ZNF827: variants seen among roughly 807,000 people sequenced by gnomAD.
The protein encoded by ZNF827 is zinc finger protein 827.
Under a neutral mutation model 102.4 loss-of-function variants are expected in ZNF827, and 13 were observed. The observed-to-expected ratio is 0.13, with a 90% CI of 0.08 to 0.20. The LOEUF (loss-of-function observed/expected upper bound fraction) is 0.20. Ranked by LOEUF, ZNF827 falls within the 10% of genes least tolerant of loss-of-function variation. ZNF827 has a pLI of 1.00. For synonymous variants in ZNF827, 523 were observed against 536.2 expected (o/e 0.98, Z 0.34); for missense variants, 1,103 against 1,344.4 (o/e 0.82, Z 2.81).
At chr4:145,921,527 A>G (rs1332624618) in intron 1 of ZNF827, among the ~76,000 whole-genome samples, 2 of 149,342 alleles carry the variant, frequency 1.3e-5, no homozygotes, top group African/African-American at 4.9e-5. Flanking sequence ...ATTCTCTTTG[A>G]GAAAAAATAT....
At chr4:145,862,061 A>T (rs1747783256) in intron 5 of ZNF827, among the ~76,000 whole-genome samples, 1 of 152,186 alleles carries the variant, frequency 6.6e-6, no homozygotes, top group South Asian at 2.1e-4. Context: ...AACAGCTCCC[A>T]TATGGGGCGG....
chr4:145,823,012 G>T (rs1385823797), intron 8 of ZNF827, among the ~76,000 whole-genome samples: 1 of 152,210 alleles, frequency 6.6e-6, no homozygotes, highest in African/African-American at 2.4e-5. Flanking sequence ...GGTGGTCTTT[G>T]TGGTGGCCCA....
At chr4:145,776,097 G>T in intron 9 of ZNF827, 137 bp from the exon 10 acceptor site, 1 of 946,830 alleles carries the variant, frequency 1.1e-6, no homozygotes, top group Non-Finnish European at 1.6e-6. Context: ...GTAATGCCTA[G>T]GAATTGTAAG....
intron 4 of ZNF827, 108 bp downstream of exon 4, chr4:145,885,570 A>G (rs1750034526): frequency 7.0e-7 from 1 of 1,432,638 alleles, no homozygotes; most frequent in African/African-American, 1.4e-5. Context: ...ATCTAGTTCT[A>G]CCAGCTTATT....
At chr4:145,880,454 A>C (rs1749567421) in intron 4 of ZNF827, among the ~76,000 whole-genome samples, 1 of 152,234 alleles carries the variant, frequency 6.6e-6, no homozygotes, top group African/African-American at 2.4e-5. Flanking sequence ...AGTTTCAGCA[A>C]CTGTGTGTGT....
chr4:145,888,877 G>A (rs577445411), intron 3 of ZNF827, among the ~76,000 whole-genome samples: 7 of 152,234 alleles, frequency 4.6e-5, no homozygotes, highest in African/African-American at 9.6e-5. Context: ...CTTCCACAGC[G>A]GGTGATAAAA....
chr4:145,761,601 GC>G lies in ZNF827; in HGVS notation c.*18-4del, dbSNP rs1560881703. ...TGGAATAAATGCAGAATGGGCACCTGCCGGGGAAAGCAACGCAAGGGAGGTT... is the reference window on the plus strand; with the variant it reads ...TGGAATAAATGCAGAATGGGCACCTGCGGGGAAAGCAACGCAAGGGAGGTT... On this transcript the variant is annotated splice_region_variant and splice_polypyrimidine_tract_variant and intron_variant, in intron 14 of 14. Coordinates refer to ENST00000508784, the MANE Select transcript of ZNF827 (RefSeq NM_001306215.2). This position sits in a 1 kb window ranked among gnomAD's most constrained non-coding sequence, Gnocchi z 6.8. 8.0e-6 allele frequency: 10 copies of G among 1,249,590 alleles called. No homozygotes were observed. The South Asian group carries it at 1.3e-4, about 17-fold the overall frequency. 77.4% of individuals were successfully genotyped at this position (1,249,590 alleles called of 1,614,324 possible).
intron 8 of ZNF827, among the ~76,000 whole-genome samples, chr4:145,794,059 G>C (rs763087239): frequency 6.6e-6 from 1 of 152,118 alleles, no homozygotes; most frequent in Non-Finnish European, 1.5e-5. Context: ...AGAACTAATC[G>C]GTCTTCAACC....
chr4:145,870,625 G>A, intron 4 of ZNF827, 147 bp from the exon 5 acceptor site: 1 of 661,382 alleles, frequency 1.5e-6, no homozygotes, highest in Non-Finnish European at 2.6e-6. Flanking sequence ...GCTGGGCCCT[G>A]GGCAAAACCA....
At chr4:145,845,359 A>G (rs1745828222) in intron 7 of ZNF827, among the ~76,000 whole-genome samples, 4 of 152,218 alleles carry the variant, frequency 2.6e-5, no homozygotes, top group Admixed American at 2.6e-4. Flanking sequence ...ACCTCCTCAG[A>G]CTGCCTTTGG....
intron 11 of ZNF827, among the ~76,000 whole-genome samples, chr4:145,770,330 AT>A (rs1309729896): frequency 1.1e-4 from 16 of 146,526 alleles, no homozygotes; most frequent in Non-Finnish European, 1.8e-4. Flanking sequence ...AAATAAATAA[AT>A]AAATAAATAA....
At chr4:145,819,043 G>A (rs1173574540) in intron 8 of ZNF827, among the ~76,000 whole-genome samples, 1 of 151,916 alleles carries the variant, frequency 6.6e-6, no homozygotes, top group Non-Finnish European at 1.5e-5. Flanking sequence ...GCTTGTTTTT[G>A]TGAGGGGTGC....
At chr4:145,933,793 A>AC (rs950187818) in intron 1 of ZNF827, among the ~76,000 whole-genome samples, 32 of 151,610 alleles carry the variant, frequency 2.1e-4, no homozygotes, top group South Asian at 6.2e-4. Context: ...TGGTGAAAAA[A>AC]AAAAAAACAA....
At chr4:145,796,623 C>CTTTTTTTTT in intron 8 of ZNF827, among the ~76,000 whole-genome samples, 1 of 113,926 alleles carries the variant, frequency 8.8e-6, no homozygotes, top group Non-Finnish European at 1.8e-5. Context: ...ATTTGTTCCT[C>CTTTTTTTTT]TTTTTTTTTT....
chr4:145,776,826 T>TAAATA lies in ZNF827; in HGVS notation c.2522-871_2522-867dup, dbSNP rs112905548. On this transcript the variant is annotated intron_variant, in intron 9 of 14. Coordinates refer to ENST00000508784, the MANE Select transcript of ZNF827 (RefSeq NM_001306215.2). ...ATTTAATTGGAAATTTCATTTTACA[T>TAAATA]AAATAAAGAATTTCAATTAACTTCT... Among the ~76,000 whole-genome samples, 210 of 152,352 alleles carry TAAATA rather than the reference T, an allele frequency of 1.4e-3. 1 individual carries two copies. The highest frequency in any genetic ancestry group is 4.8e-3 in the African/African-American group (198 of 41,580).
rs371178150 is a variant in ZNF827 at position 145,903,083 on chromosome 4, C to T, written c.176G>A (p.Arg59Gln). The change falls in exon 2 of 15, where the codon CGG (arginine) becomes CAG (glutamine). Residue 59 changes from arginine to glutamine, a missense_variant. By Grantham distance (43) the Arg-to-Gln change is conservative. Coordinates refer to ENST00000508784, the MANE Select transcript of ZNF827 (RefSeq NM_001306215.2). ...CGGGGACGTGGACTGCTCCTGGATC[C>T]GGTCCTCCAGAGACAACTTATAGTT... ...QENYKLSLEDRIQEQSTSPDT... is the reference protein window; with the variant it reads ...QENYKLSLEDQIQEQSTSPDT... The T allele has an allele frequency of 2.3e-5, 37 of 1,614,066 alleles. No homozygotes were observed. The highest frequency in any genetic ancestry group is 1.0e-4 in the Admixed American group (6 of 60,000).
At chr4:145,807,898 C>T (rs1413535708) in intron 8 of ZNF827, among the ~76,000 whole-genome samples, 8 of 151,772 alleles carry the variant, frequency 5.3e-5, no homozygotes, top group Middle Eastern at 3.4e-3. Flanking sequence ...AACACATTTT[C>T]GAGTGATAAA....
chr4:145,813,922 C>T (rs757505739), intron 8 of ZNF827, among the ~76,000 whole-genome samples: 7 of 151,918 alleles, frequency 4.6e-5, no homozygotes, highest in African/African-American at 9.7e-5. Context: ...GAGGAGGGAT[C>T]GATGTAGAAG....
intron 1 of ZNF827, among the ~76,000 whole-genome samples, chr4:145,923,903 C>T (rs992579722): frequency 4.6e-5 from 7 of 152,062 alleles, no homozygotes; most frequent in Non-Finnish European, 8.8e-5. Context: ...GGTCCTAAAA[C>T]CAAAATGTTT....
Sources: allele counts gnomAD v4.1 joint callset (sites outside exome capture counted in the v4.1 genomes callset), GRCh38; gene constraint gnomAD v4.1.1; non-coding constraint Gnocchi (gnomAD v3.1); transcripts MANE v1.5; gene names NCBI Gene and HGNC (gene_info 2026-07-23, HGNC 2026-07-21).